The following GALNT7 variants were observed in gnomAD, a reference collection of about 807,000 sequenced individuals.
GALNT7 encodes the protein N-acetylgalactosaminyltransferase 7.
In GALNT7, 60 loss-of-function variants were observed where a neutral mutation model predicts 82.1. That is an observed-to-expected ratio of 0.73 (90% confidence interval 0.59 to 0.91). The LOEUF (loss-of-function observed/expected upper bound fraction) is 0.91. Ranked by LOEUF, GALNT7 falls within the 40% of genes least tolerant of loss-of-function variation. GALNT7 has a pLI of 0.00. For missense variants in GALNT7, 660 were observed against 804.2 expected (o/e 0.82, Z 2.17); for synonymous variants, 243 against 275.1 (o/e 0.88, Z 1.15).
At chr4:173,274,702 A>G (rs1376439332) in intron 2 of GALNT7, among the ~76,000 whole-genome samples, 1 of 152,248 alleles carries the variant, frequency 6.6e-6, no homozygotes, top group East Asian at 1.9e-4. Context: ...CAGAGCTATT[A>G]GAACTGCATT....
At chr4:173,184,491 G>A (rs537430921) in intron 1 of GALNT7, among the ~76,000 whole-genome samples, 5 of 151,840 alleles carry the variant, frequency 3.3e-5, no homozygotes, top group Admixed American at 1.3e-4. Context: ...CCAGGCACTC[G>A]GCAGGCTGAG....
At chr4:173,191,373 TA>T (rs1308595811) in intron 1 of GALNT7, among the ~76,000 whole-genome samples, 1 of 152,176 alleles carries the variant, frequency 6.6e-6, no homozygotes, top group Admixed American at 6.5e-5. Flanking sequence ...CAAAAGGATG[TA>T]AGTCTCTTCC....
At chr4:173,186,911 C>T (rs771291388) in intron 1 of GALNT7, among the ~76,000 whole-genome samples, 1 of 151,996 alleles carries the variant, frequency 6.6e-6, no homozygotes, top group Non-Finnish European at 1.5e-5. Flanking sequence ...ATTACAGGTG[C>T]ATACCACCAT....
At chr4:173,191,792 GT>G (rs1309839614) in intron 1 of GALNT7, among the ~76,000 whole-genome samples, 1 of 152,160 alleles carries the variant, frequency 6.6e-6, no homozygotes, top group Non-Finnish European at 1.5e-5. Context: ...TTATTCATGA[GT>G]TTCCATGACC....
chr4:173,182,817 TACACACACACACAC>T (rs66792322), intron 1 of GALNT7, among the ~76,000 whole-genome samples: 2 of 134,818 alleles, frequency 1.5e-5, no homozygotes, highest in African/African-American at 5.8e-5. Context: ...TTACTCATAA[TACACACACACACAC>T]ACACACACAC....
chr4:173,176,372 TG>T (rs1732043837), intron 1 of GALNT7, among the ~76,000 whole-genome samples: 1 of 152,144 alleles, frequency 6.6e-6, no homozygotes, highest in African/African-American at 2.4e-5. Flanking sequence ...GTGGCTCTTG[TG>T]GTCTGTTATT....
At chr4:173,295,869 T>C (rs771060280) in intron 5 of GALNT7, 26 bp downstream of exon 5, 9 of 1,354,282 alleles carry the variant, frequency 6.6e-6, no homozygotes, top group African/African-American at 4.3e-5. Flanking sequence ...TTTTTTTCTT[T>C]CCTGGTTGAA....
chr4:173,200,126 A>G (rs1417466142), intron 1 of GALNT7, among the ~76,000 whole-genome samples: 2 of 152,192 alleles, frequency 1.3e-5, no homozygotes, highest in Non-Finnish European at 2.9e-5. Flanking sequence ...TTAAAATTCT[A>G]TTTGTGCATG....
intron 8 of GALNT7, among the ~76,000 whole-genome samples, chr4:173,312,132 A>G (rs1737408897): frequency 6.6e-6 from 1 of 152,346 alleles, no homozygotes; most frequent in Non-Finnish European, 1.5e-5. Context: ...CAAGATACTT[A>G]CTATCTGGCC....
intron 2 of GALNT7, among the ~76,000 whole-genome samples, chr4:173,272,964 T>G (rs1372525821): frequency 6.6e-6 from 1 of 152,238 alleles, no homozygotes; most frequent in Non-Finnish European, 1.5e-5. Context: ...TATCAATGTT[T>G]AAGACTTCTG....
Position 173,212,765 on chromosome 4 carries a change from CAA to C in GALNT7, c.127-35213_127-35212del, listed in dbSNP as rs1733322168. On this transcript the variant is annotated intron_variant, in intron 1 of 11. Transcript: ENST00000265000. Reference sequence around the variant, plus strand: ...TATTGGACATATCAATACAACAGAACAAAGACAATAGCCCCATGACTTCAGTG... The same window carrying C: ...TATTGGACATATCAATACAACAGAACAGACAATAGCCCCATGACTTCAGTG... Among the ~76,000 whole-genome samples, 4 of 151,782 alleles carry C rather than the reference CAA, an allele frequency of 2.6e-5. 1 individual carries two copies. The South Asian group carries it at 8.3e-4, about 31-fold the overall frequency.
At chr4:173,269,560 T>C (rs1735644354) in intron 2 of GALNT7, among the ~76,000 whole-genome samples, 1 of 152,178 alleles carries the variant, frequency 6.6e-6, no homozygotes, top group Non-Finnish European at 1.5e-5. Context: ...AATCTGAATT[T>C]CAAAGGTCCT....
At chr4:173,263,964 C>T (rs1216001102) in intron 2 of GALNT7, among the ~76,000 whole-genome samples, 1 of 152,150 alleles carries the variant, frequency 6.6e-6, no homozygotes, top group African/African-American at 2.4e-5. Context: ...TGGTTTGGAA[C>T]ATCTGCAAAG....
At chr4:173,209,158 A>T (rs1381041334) in intron 1 of GALNT7, among the ~76,000 whole-genome samples, 1 of 152,212 alleles carries the variant, frequency 6.6e-6, no homozygotes, top group African/African-American at 2.4e-5. Flanking sequence ...ACTTTTAATT[A>T]TTGCCATTTC....
intron 2 of GALNT7, among the ~76,000 whole-genome samples, chr4:173,264,671 C>T (rs1373660783): frequency 6.6e-6 from 1 of 152,168 alleles, no homozygotes; most frequent in Non-Finnish European, 1.5e-5. Flanking sequence ...AACCTGAGAC[C>T]TAGATGTTTT....
chr4:173,279,700 T>C (rs531133728), intron 2 of GALNT7, among the ~76,000 whole-genome samples: 1 of 152,274 alleles, frequency 6.6e-6, no homozygotes, highest in South Asian at 2.1e-4. Flanking sequence ...AGGCCGGGCA[T>C]GGTGGCTCAC....
intron 1 of GALNT7, among the ~76,000 whole-genome samples, chr4:173,221,579 A>G (rs1304296121): frequency 6.6e-6 from 1 of 152,248 alleles, no homozygotes; most frequent in Non-Finnish European, 1.5e-5. Context: ...GAATAAAACT[A>G]CATTCTAAAA....
chr4:173,262,613 T>A lies in GALNT7; in HGVS notation c.587+14173T>A, dbSNP rs376424448. Among the ~76,000 whole-genome samples the A allele has an allele frequency of 6.6e-4, 101 of 152,308 alleles. No individual in the cohort carries two copies. In the South Asian group the frequency reaches 7.3e-3, roughly 11 times the overall value. On this transcript the variant is annotated intron_variant, in intron 2 of 11. Coordinates refer to ENST00000265000, the MANE Select transcript of GALNT7 (RefSeq NM_017423.3). ...TGTTGAAGTGACAGGCTCCCTTCAT[T>A]CATGTTCAAAAAACTTCCAGATAAC...
chr4:173,190,702 T>C (rs987621251), intron 1 of GALNT7, among the ~76,000 whole-genome samples: 7 of 152,200 alleles, frequency 4.6e-5, no homozygotes, highest in African/African-American at 1.7e-4. Flanking sequence ...TACCAAGCAG[T>C]GCTTTTTAAC....
Sources: allele counts gnomAD v4.1 joint callset (sites outside exome capture counted in the v4.1 genomes callset), GRCh38; gene constraint gnomAD v4.1.1; transcripts MANE v1.5; gene names NCBI Gene and HGNC (gene_info 2026-07-23, HGNC 2026-07-21).